Variants in GRAMD1B observed in about 807,000 individuals in gnomAD.
GRAMD1B encodes GRAM domain containing 1B.
Under a neutral mutation model 99.7 loss-of-function variants are expected in GRAMD1B, and 37 were observed. The ratio of observed to expected loss-of-function variants is 0.37; its 90% CI spans 0.29 to 0.49. The LOEUF (loss-of-function observed/expected upper bound fraction) is 0.49. Among genes scored for constraint, GRAMD1B ranks in the 20% least tolerant of loss-of-function variants. The pLI is 0.98. For missense variants in GRAMD1B, 888 were observed against 1,009.2 expected, an observed-to-expected ratio of 0.88 and a Z score of 1.63; for synonymous variants, 427 against 387.6, an observed-to-expected ratio of 1.10 and a Z score of -1.19.
At chr11:123,474,621 A>G (rs1951173330) in intron 1 of GRAMD1B, among the ~76,000 whole-genome samples, 1 of 152,262 alleles carries the variant, frequency 6.6e-6, no homozygotes, top group South Asian at 2.1e-4. Flanking sequence ...ACCTCAATCC[A>G]GAAAAACAAA....
chr11:123,567,043 G>A (rs1483023428), intron 2 of GRAMD1B, among the ~76,000 whole-genome samples: 1 of 152,196 alleles, frequency 6.6e-6, no homozygotes, highest in Non-Finnish European at 1.5e-5. Flanking sequence ...ATATGGAGTG[G>A]CCCTTCAAGA....
chr11:123,621,706 A>G (rs1955131584), intron 19 of GRAMD1B, among the ~76,000 whole-genome samples: 1 of 152,188 alleles, frequency 6.6e-6, no homozygotes, highest in South Asian at 2.1e-4. Context: ...GTGGTATATT[A>G]AGGATCATCA....
intron 1 of GRAMD1B, among the ~76,000 whole-genome samples, chr11:123,411,253 C>T (rs1380626340): frequency 6.6e-6 from 1 of 152,104 alleles, no homozygotes; most frequent in East Asian, 1.9e-4. Flanking sequence ...ATCCGCCCCC[C>T]TCAGCCTCCC....
rs114121472 is a variant in GRAMD1B, at chr11:123,554,558, C to G, written c.453-22809C>G. Reference sequence around the variant, plus strand: ...AAAAAAAAAAAAAGAAAGAAAGAAACAAAATGCCGGACATGGTGGTGTGTG... The same window carrying G: ...AAAAAAAAAAAAAGAAAGAAAGAAAGAAAATGCCGGACATGGTGGTGTGTG... On this transcript the variant is annotated intron_variant, in intron 2 of 19. Transcript: ENST00000635736. Among the ~76,000 whole-genome samples, 665 of 139,314 alleles carry G rather than the reference C, an allele frequency of 4.8e-3. 10 individuals are homozygous for G. Among genetic ancestry groups the G allele is most frequent in the African/African-American group, 0.017 (632 of 37,958 alleles). The allele number at this position is 139,314 out of a possible 152,430, so 91.4% of individuals were successfully genotyped here. A position where few individuals can be genotyped will look rare whatever the true frequency, so the allele number is the denominator to read the frequency against.
intron 2 of GRAMD1B, chr11:123,560,363 A>G: frequency 1.7e-6 from 2 of 1,176,054 alleles, no homozygotes; most frequent in Non-Finnish European, 2.1e-6. Context: ...ACCACACCAA[A>G]TAACAGCAGC....
Position 123,577,582 on chromosome 11 carries a change from G to C in GRAMD1B, c.663+5G>C, listed in dbSNP as rs1391887678. 1 of 1,572,550 alleles carries C rather than the reference G, an allele frequency of 6.4e-7. No homozygotes were observed. The highest frequency in any genetic ancestry group is 8.6e-7 in the Non-Finnish European group (1 of 1,158,836). ...AGCGGCGGCAAGAATTCCAAGGTGA[G>C]CGGGACCCCGTTGAGGCGGTACCTC... On this transcript the variant is annotated splice_donor_5th_base_variant and intron_variant, in intron 3 of 19. Coordinates refer to ENST00000635736, the MANE Select transcript of GRAMD1B (RefSeq NM_001387025.1).
chr11:123,554,906 A>G (rs975199160), intron 2 of GRAMD1B, among the ~76,000 whole-genome samples: 2 of 152,200 alleles, frequency 1.3e-5, no homozygotes, highest in Admixed American at 1.3e-4. Flanking sequence ...TTCAGAACTT[A>G]TTGGAGAGGG....
Position 123,555,411 on chromosome 11 carries a change from C to A in GRAMD1B, c.453-21956C>A, listed in dbSNP as rs371780703. Among the ~76,000 whole-genome samples, 68 of 152,236 alleles carry A rather than the reference C, an allele frequency of 4.5e-4. No homozygotes were observed. In the South Asian group the frequency reaches 0.013, roughly 30 times the overall value. On this transcript the variant is annotated intron_variant, in intron 2 of 19. Coordinates refer to ENST00000635736, the MANE Select transcript of GRAMD1B (RefSeq NM_001387025.1). ...TCACCGAGGCTGGGGTGCAATGGTG[C>A]GATCTTGGCTCACTGCAACCTCTGC...
chr11:123,439,332 A>G (rs1565500254), intron 1 of GRAMD1B, among the ~76,000 whole-genome samples: 1 of 152,202 alleles, frequency 6.6e-6, no homozygotes, highest in East Asian at 1.9e-4. Flanking sequence ...GATGTTGGGC[A>G]GTAGCCAGCC....
intron 4 of GRAMD1B, among the ~76,000 whole-genome samples, chr11:123,588,864 G>A (rs145719846): frequency 0.012 from 1,773 of 152,230 alleles, 31 homozygotes; most frequent in African/African-American, 0.04. Flanking sequence ...TTTGGGATCA[G>A]ATGTGTTTTG....
intron 1 of GRAMD1B, among the ~76,000 whole-genome samples, chr11:123,440,641 G>T (rs1489691314): frequency 1.3e-5 from 2 of 152,218 alleles, no homozygotes; most frequent in Admixed American, 1.3e-4. Flanking sequence ...TGATCTGTTT[G>T]TGTTGTTATA....
In GRAMD1B at chr11:123,594,820, C is replaced by A. The variant is rs1291804569; in HGVS notation, c.855C>A (p.Ile285=). The A allele has an allele frequency of 6.3e-7, 1 of 1,592,890 alleles. No homozygotes were observed. ...ATTGGATCTGCTTCTACAGCAACATCTTCCGCTGGGAAACTCTGGTAAAGA... is the reference window on the plus strand; with the variant it reads ...ATTGGATCTGCTTCTACAGCAACATATTCCGCTGGGAAACTCTGGTAAAGA... ...SENWICFYSN[I]FRWETLLTVR... is the part of the protein sequence containing the mutation. The change falls in exon 6 of 20, where the codon ATC becomes ATA. Residue 285 remains isoleucine, a synonymous_variant. Transcript: ENST00000635736.
chr11:123,544,021 CAA>C (rs1448942985), intron 2 of GRAMD1B, among the ~76,000 whole-genome samples: 4 of 152,182 alleles, frequency 2.6e-5, no homozygotes, highest in African/African-American at 9.7e-5. Flanking sequence ...TGTTTTTCCA[CAA>C]GACTCATGGT....
chr11:123,376,473 G>T (rs1415941168), intron 1 of GRAMD1B, among the ~76,000 whole-genome samples: 1 of 152,154 alleles, frequency 6.6e-6, no homozygotes, highest in Non-Finnish European at 1.5e-5. Context: ...TGGAGATGGG[G>T]TCAGTGAAGG....
At chr11:123,567,287 C>G (rs1947498062) in intron 2 of GRAMD1B, among the ~76,000 whole-genome samples, 1 of 152,196 alleles carries the variant, frequency 6.6e-6, no homozygotes, top group African/African-American at 2.4e-5. Context: ...AGTTGGATAG[C>G]TGGTCATTAA....
intron 2 of GRAMD1B, chr11:123,560,732 G>A (rs1246796886): frequency 2.5e-5 from 8 of 325,590 alleles, no homozygotes; most frequent in East Asian, 1.9e-4. Flanking sequence ...GTGTGTGTGT[G>A]TGTATCTTTG....
chr11:123,605,536 A>G lies in GRAMD1B; in HGVS notation c.1323+58A>G, dbSNP rs563091946. On this transcript the variant is annotated intron_variant, in intron 10 of 19. Transcript: ENST00000635736. ...AGTCCTGTGGCCAGCGTTTCCTAGC[A>G]TAGTTCACTGGGAACCCAATCTGGG... 996 of 1,408,250 alleles carry G rather than the reference A, an allele frequency of 7.1e-4. 14 individuals carry two copies. In the South Asian group the frequency reaches 0.013, roughly 18 times the overall value. The allele number at this position is 1,408,250 out of a possible 1,614,324, so 87.2% of individuals were successfully genotyped here. A position where few individuals can be genotyped will look rare whatever the true frequency, so the allele number is the denominator to read the frequency against.
At chr11:123,431,373 GCTT>G (rs1948879924) in intron 1 of GRAMD1B, among the ~76,000 whole-genome samples, 1 of 152,256 alleles carries the variant, frequency 6.6e-6, no homozygotes, top group South Asian at 2.1e-4. Flanking sequence ...AGGGTGAGGG[GCTT>G]CATGTTGCAC....
chr11:123,612,010 A>G (rs985099087), intron 14 of GRAMD1B, among the ~76,000 whole-genome samples: 3 of 152,138 alleles, frequency 2.0e-5, no homozygotes, highest in African/African-American at 7.2e-5. Flanking sequence ...TGGGAGCAAG[A>G]ATGCTTGGAA....
Sources: gnomAD v4.1 joint callset for allele counts (sites outside exome capture counted in the v4.1 genomes callset) on GRCh38, gnomAD v4.1.1 for gene constraint, MANE v1.5 for transcripts, NCBI Gene and HGNC (gene_info 2026-07-23, HGNC 2026-07-21) for gene names.